The following GDA variants were observed in gnomAD, a reference collection of about 807,000 sequenced individuals.
The protein encoded by GDA is guanine deaminase, also known as cytoplasmic PSD-95 interactor.
A neutral mutation model predicts 59.6 loss-of-function variants in GDA; 18 were observed. That is an observed-to-expected ratio of 0.30 (90% CI 0.21 to 0.45). The LOEUF is 0.45. Ranked by LOEUF, GDA falls within the 20% of genes least tolerant of loss-of-function variation. The pLI is 1.00. For synonymous variants in GDA, 201 were observed against 201.1 expected (o/e 1.00, Z 0.00); for missense variants, 427 against 552.3 (o/e 0.77, Z 2.27).
intron 1 of GDA, among the ~76,000 whole-genome samples, chr9:72,189,856 A>G (rs374247745): frequency 6.6e-6 from 1 of 152,172 alleles, no homozygotes; most frequent in African/African-American, 2.4e-5. Flanking sequence ...CAAAACAAAA[A>G]AAAGAAATGA....
rs966145449 is a variant in GDA at position 72,247,567 on chromosome 9, T to C, written c.1294+134T>C. ...GATAATTTGCTTTGATTCATTATTTTTTTAACAGTCTGAAGCATCAAGCCC... is the reference window on the plus strand; with the variant it reads ...GATAATTTGCTTTGATTCATTATTTCTTTAACAGTCTGAAGCATCAAGCCC... On this transcript the variant is annotated intron_variant, in intron 13 of 13. Coordinates refer to ENST00000358399, the MANE Select transcript of GDA (RefSeq NM_004293.5). The C allele has an allele frequency of 5.2e-5, 33 of 633,952 alleles. No homozygotes were observed. The African/African-American group carries it at 5.9e-4, about 11-fold the overall frequency. 39.3% of individuals were successfully genotyped at this position (633,952 alleles called of 1,614,324 possible).
chr9:72,201,672 C>T (rs1834022184), intron 2 of GDA, among the ~76,000 whole-genome samples: 1 of 152,046 alleles, frequency 6.6e-6, no homozygotes, highest in Non-Finnish European at 1.5e-5. Context: ...AGTAGAGGGT[C>T]CCATCTTTTG....
intron 1 of GDA, among the ~76,000 whole-genome samples, chr9:72,116,232 C>CAA (rs34017917): frequency 2.4e-4 from 36 of 147,368 alleles, no homozygotes; most frequent in Middle Eastern, 3.5e-3. Flanking sequence ...GAAACTGTCT[C>CAA]AAAAAAAAAA....
intron 1 of GDA, among the ~76,000 whole-genome samples, chr9:72,126,138 G>A (rs1234662230): frequency 6.6e-6 from 1 of 152,000 alleles, no homozygotes; most frequent in Non-Finnish European, 1.5e-5. Flanking sequence ...GGCTGGTCTC[G>A]AACTCCTGAC....
chr9:72,236,678 G>A (rs1216769895), intron 10 of GDA, among the ~76,000 whole-genome samples: 2 of 151,850 alleles, frequency 1.3e-5, no homozygotes, highest in Admixed American at 1.3e-4. Context: ...GCCATAGACC[G>A]TCCTGTATCA....
chr9:72,236,972 G>A (rs11143190), intron 10 of GDA, among the ~76,000 whole-genome samples: 38,981 of 151,782 alleles, frequency 0.26, 5,598 homozygotes, highest in East Asian at 0.53. Flanking sequence ...TAGAGACAGG[G>A]TTTCAACATG....
chr9:72,181,591 C>T (rs1353632688), intron 1 of GDA, among the ~76,000 whole-genome samples: 2 of 152,142 alleles, frequency 1.3e-5, no homozygotes, highest in African/African-American at 2.4e-5. Flanking sequence ...TCCCAAAGTG[C>T]TGGGATTACA....
At chr9:72,215,829 G>A (rs1836040772) in intron 5 of GDA, among the ~76,000 whole-genome samples, 1 of 152,208 alleles carries the variant, frequency 6.6e-6, no homozygotes, top group Admixed American at 6.5e-5. Context: ...ATCATAAAAA[G>A]TAAAGATGTG....
intron 10 of GDA, among the ~76,000 whole-genome samples, chr9:72,232,622 A>G (rs975321835): frequency 6.6e-6 from 1 of 152,200 alleles, no homozygotes; most frequent in African/African-American, 2.4e-5. Context: ...ACACATAAAA[A>G]TCAGTCAGAT....
intron 3 of GDA, among the ~76,000 whole-genome samples, chr9:72,205,221 G>GTA (rs1397887882): frequency 6.6e-6 from 1 of 152,098 alleles, no homozygotes; most frequent in Non-Finnish European, 1.5e-5. Flanking sequence ...GGCACTGAGG[G>GTA]TATGGCTGAC....
At chr9:72,243,854 G>A (rs114329751) in intron 11 of GDA, among the ~76,000 whole-genome samples, 1,811 of 152,204 alleles carry the variant, frequency 0.012, 44 homozygotes, top group African/African-American at 0.041. Context: ...TTATCTTAGC[G>A]GTGATAGAAT....
intron 1 of GDA, among the ~76,000 whole-genome samples, chr9:72,185,910 T>G (rs545943366): frequency 1.3e-5 from 2 of 152,334 alleles, no homozygotes; most frequent in South Asian, 4.1e-4. Flanking sequence ...GTTGTTTGCT[T>G]AGCAGAAGGG....
upstream of GDA, among the ~76,000 whole-genome samples, chr9:72,144,434 T>G (rs1352030161): frequency 2.6e-5 from 4 of 152,208 alleles, no homozygotes; most frequent in Non-Finnish European, 5.9e-5. Flanking sequence ...TGAAAGCTAT[T>G]AATTTCTACT....
chr9:72,170,894 C>A (rs1829885332), intron 1 of GDA, among the ~76,000 whole-genome samples: 2 of 152,168 alleles, frequency 1.3e-5, no homozygotes, highest in African/African-American at 4.8e-5. Flanking sequence ...TAGTTCACTG[C>A]AGCCTCAATC....
intron 1 of GDA, among the ~76,000 whole-genome samples, chr9:72,181,354 T>C (rs1018648042): frequency 6.7e-6 from 1 of 148,524 alleles, no homozygotes; most frequent in Non-Finnish European, 1.5e-5. Flanking sequence ...TTTTTGTGTG[T>C]GTCACTTGTT....
intron 3 of GDA, among the ~76,000 whole-genome samples, chr9:72,206,425 TA>T (rs1185268043): frequency 1.3e-5 from 2 of 152,160 alleles, no homozygotes; most frequent in South Asian, 2.1e-4. Context: ...AAGTTTAATT[TA>T]AAAAAATTAT....
chr9:72,139,801 T>C (rs1367424846), intron 1 of GDA, among the ~76,000 whole-genome samples: 1 of 152,210 alleles, frequency 6.6e-6, no homozygotes, highest in Non-Finnish European at 1.5e-5. Flanking sequence ...AGGTTTTGTT[T>C]TGAGAGGAAA....
At chr9:72,173,498 T>C (rs910696622) in intron 1 of GDA, among the ~76,000 whole-genome samples, 2 of 152,004 alleles carry the variant, frequency 1.3e-5, no homozygotes, top group Non-Finnish European at 2.9e-5. Context: ...GCCCGGCTAA[T>C]TTTTATATTT....
rs539714358 is a variant in GDA at position 72,239,194 on chromosome 9, T to C, written c.989-1958T>C. Among the ~76,000 whole-genome samples the C allele has an allele frequency of 5.3e-5, 8 of 152,314 alleles. No individual in the cohort carries two copies. The East Asian group carries it at 1.5e-3, about 29-fold the overall frequency. On this transcript the variant is annotated intron_variant, in intron 10 of 13. Transcript: ENST00000358399. Reference sequence around the variant, plus strand: ...AAGGCTTGACTCTTACTAAATACCATGAAATTATGCAGCCCAGAGTTCTTT... The same window carrying C: ...AAGGCTTGACTCTTACTAAATACCACGAAATTATGCAGCCCAGAGTTCTTT...
Sources: allele counts gnomAD v4.1 joint callset (sites outside exome capture counted in the v4.1 genomes callset), GRCh38; gene constraint gnomAD v4.1.1; transcripts MANE v1.5; gene names NCBI Gene and HGNC (gene_info 2026-07-23, HGNC 2026-07-21).